NEGR1: variants seen among roughly 807,000 people sequenced by gnomAD.
The protein encoded by NEGR1 is IgLON family member 4.
A neutral mutation model predicts 40.9 loss-of-function variants in NEGR1; 10 were observed. The ratio of observed to expected loss-of-function variants is 0.24; its 90% CI spans 0.15 to 0.42. The LOEUF is 0.42. Among genes scored for constraint, NEGR1 ranks in the 10% least tolerant of loss-of-function variants. The pLI, the probability that NEGR1 is intolerant of heterozygous loss-of-function variation, is 1.00. For synonymous variants in NEGR1, 185 were observed against 166.8 expected (o/e 1.11, Z -0.84); for missense variants, 352 against 438.9 (o/e 0.80, Z 1.77).
intron 1 of NEGR1, among the ~76,000 whole-genome samples, chr1:72,003,972 A>G (rs1044633978): frequency 2.0e-5 from 3 of 152,098 alleles, no homozygotes; most frequent in African/African-American, 7.2e-5. Flanking sequence ...TGAGAGATTA[A>G]TGAGTAGAAA....
At chr1:71,472,539 T>C (rs1374299135) in intron 6 of NEGR1, 1 of 152,066 alleles carries the variant, frequency 6.6e-6, no homozygotes, top group African/African-American at 2.4e-5. Context: ...GACTTGAAAA[T>C]TGGAAGCAAC....
chr1:71,921,561 T>C (rs184935066), intron 2 of NEGR1, among the ~76,000 whole-genome samples: 68 of 151,626 alleles, frequency 4.5e-4, no homozygotes, highest in African/African-American at 1.6e-3. Context: ...ATTTTCTCTT[T>C]TCTGTGATTT....
intron 6 of NEGR1, among the ~76,000 whole-genome samples, chr1:71,528,014 T>A (rs1269352346): frequency 2.6e-5 from 4 of 151,256 alleles, no homozygotes; most frequent in Admixed American, 6.6e-5. Context: ...GTCAGGAAAC[T>A]AACTTCTGTA....
At chr1:71,859,562 C>CA (rs1388824213) in intron 2 of NEGR1, among the ~76,000 whole-genome samples, 1 of 151,942 alleles carries the variant, frequency 6.6e-6, no homozygotes, top group East Asian at 1.9e-4. Flanking sequence ...CAGCCATAGA[C>CA]AATAAATAGG....
intron 2 of NEGR1, among the ~76,000 whole-genome samples, chr1:71,888,428 C>A (rs1475597629): frequency 6.6e-6 from 1 of 151,920 alleles, no homozygotes; most frequent in East Asian, 2.0e-4. Flanking sequence ...TCAGGGAGTT[C>A]CCTTTCCGAG....
chr1:71,771,279 C>T (rs956310350), intron 3 of NEGR1, among the ~76,000 whole-genome samples: 2 of 152,084 alleles, frequency 1.3e-5, no homozygotes, highest in African/African-American at 4.8e-5. Context: ...AGGGGAGCAT[C>T]ACACACTGGG....
chr1:71,428,540 A>G (rs910785784), intron 6 of NEGR1, among the ~76,000 whole-genome samples: 2 of 152,018 alleles, frequency 1.3e-5, no homozygotes, highest in Non-Finnish European at 2.9e-5. Context: ...ATATTTCAGG[A>G]CCTCTGGAAT....
chr1:71,596,316 A>G (rs1331018023), intron 5 of NEGR1, among the ~76,000 whole-genome samples: 1 of 152,228 alleles, frequency 6.6e-6, no homozygotes, highest in African/African-American at 2.4e-5. Flanking sequence ...GCTTTTGCCA[A>G]TGCCTCATAA....
chr1:72,179,353 T>C (rs946447436), intron 1 of NEGR1, among the ~76,000 whole-genome samples: 2 of 152,062 alleles, frequency 1.3e-5, no homozygotes. Flanking sequence ...ACCTGTTCCA[T>C]TGCTTTATGT....
chr1:71,782,467 T>C (rs1351027548), intron 2 of NEGR1, among the ~76,000 whole-genome samples: 1 of 152,208 alleles, frequency 6.6e-6, no homozygotes, highest in Non-Finnish European at 1.5e-5. Flanking sequence ...TTTCTTGTGA[T>C]AGTTTTCTTT....
intron 1 of NEGR1, among the ~76,000 whole-genome samples, chr1:71,970,006 C>T (rs17092003): frequency 0.023 from 3,495 of 152,174 alleles, 125 homozygotes; most frequent in African/African-American, 0.079. Flanking sequence ...GTTGTGATGT[C>T]TGCTCCCACA....
At chr1:71,685,291 G>A (rs1176282521) in intron 4 of NEGR1, among the ~76,000 whole-genome samples, 4 of 150,184 alleles carry the variant, frequency 2.7e-5, no homozygotes, top group Non-Finnish European at 5.9e-5. Context: ...CATGTTTCCT[G>A]GATTATCAAA....
At chr1:71,920,264 T>C (rs1012858796) in intron 2 of NEGR1, among the ~76,000 whole-genome samples, 6 of 152,206 alleles carry the variant, frequency 3.9e-5, no homozygotes, top group African/African-American at 1.4e-4. Flanking sequence ...ACAGTTCTTA[T>C]TCCATTTTAT....
chr1:71,819,128 A>C (rs180685127), intron 2 of NEGR1, among the ~76,000 whole-genome samples: 12 of 152,094 alleles, frequency 7.9e-5, no homozygotes, highest in Admixed American at 7.2e-4. Flanking sequence ...ACACAGAAAA[A>C]GTGATGTTGG....
At chr1:72,180,143 T>C (rs920201848) in intron 1 of NEGR1, among the ~76,000 whole-genome samples, 2 of 151,976 alleles carry the variant, frequency 1.3e-5, no homozygotes, top group Non-Finnish European at 2.9e-5. Flanking sequence ...TACAAAGACA[T>C]AGTATTCAAA....
chr1:71,690,976 C>A (rs1285780969), intron 4 of NEGR1, among the ~76,000 whole-genome samples: 4 of 151,858 alleles, frequency 2.6e-5, no homozygotes, highest in Non-Finnish European at 4.4e-5. Context: ...TAAAAATATG[C>A]ATATTTCATT....
chr1:71,415,073 A>G (rs1408670883), intron 6 of NEGR1, among the ~76,000 whole-genome samples: 1 of 152,114 alleles, frequency 6.6e-6, no homozygotes, highest in Non-Finnish European at 1.5e-5. Context: ...TTCTTGAATT[A>G]GAGGCCAAAG....
intron 1 of NEGR1, among the ~76,000 whole-genome samples, chr1:72,230,731 T>C (rs949103932): frequency 2.0e-5 from 3 of 152,154 alleles, no homozygotes. Flanking sequence ...TCCTATTATA[T>C]CCAAAATTCT....
intron 4 of NEGR1, among the ~76,000 whole-genome samples, chr1:71,687,004 T>C (rs1466853862): frequency 6.6e-6 from 1 of 152,200 alleles, no homozygotes; most frequent in East Asian, 1.9e-4. Flanking sequence ...AAATGTACAC[T>C]AGCTGGTTAT....
Sources: allele counts gnomAD v4.1 joint callset (sites outside exome capture counted in the v4.1 genomes callset), GRCh38; gene constraint gnomAD v4.1.1; transcripts MANE v1.5; gene names NCBI Gene and HGNC (gene_info 2026-07-23, HGNC 2026-07-21).